Variants in BANK1 observed in about 807,000 individuals in gnomAD.
The protein encoded by BANK1 is B cell scaffold protein with ankyrin repeats 1.
A neutral mutation model predicts 94.5 loss-of-function variants in BANK1; 95 were observed. The ratio of observed to expected loss-of-function variants is 1.00; its 90% confidence interval spans 0.85 to 1.19. The LOEUF is 1.19. Among genes scored for constraint, BANK1 ranks in the 50% most tolerant of loss-of-function variants. The pLI is 0.00. For synonymous variants in BANK1, 334 were observed against 308.4 expected (o/e 1.08, Z -0.87); for missense variants, 987 against 932.2 (o/e 1.06, Z -0.77).
chr4:101,995,251 T>G (rs1051684772), intron 7 of BANK1, among the ~76,000 whole-genome samples: 9 of 152,134 alleles, frequency 5.9e-5, no homozygotes, highest in Non-Finnish European at 1.2e-4. Context: ...CAACTTCACC[T>G]ATGTCCCTGC....
intron 1 of BANK1, among the ~76,000 whole-genome samples, chr4:101,817,149 G>T (rs534352827): frequency 1.3e-5 from 2 of 152,052 alleles, no homozygotes; most frequent in Non-Finnish European, 2.9e-5. Flanking sequence ...AATGCAAAGA[G>T]GCCCATCTAA....
chr4:101,798,186 T>C (rs1725224339), intron 1 of BANK1, among the ~76,000 whole-genome samples: 1 of 152,108 alleles, frequency 6.6e-6, no homozygotes, highest in South Asian at 2.1e-4. Context: ...GTAGCTTTAG[T>C]AAAGAGGATG....
At chr4:101,961,563 C>T (rs1375309495) in intron 7 of BANK1, among the ~76,000 whole-genome samples, 1 of 152,102 alleles carries the variant, frequency 6.6e-6, no homozygotes, top group Non-Finnish European at 1.5e-5. Flanking sequence ...GTCAGTTTCC[C>T]TGTTTTTCTT....
rs201929286 is a variant in BANK1 at position 101,873,161 on chromosome 4, A to G, written c.903+2517A>G. 2.6e-4 allele frequency among the ~76,000 whole-genome samples: 39 copies of G among 152,304 alleles called. No homozygotes were observed. The East Asian group carries it at 5.2e-3, about 20-fold the overall frequency. ...ATATTTTGCCCGTGGTTCACTCTGAACATCTGTATTGAAAACACAATGTAA... is the reference window on the plus strand; with the variant it reads ...ATATTTTGCCCGTGGTTCACTCTGAGCATCTGTATTGAAAACACAATGTAA... On this transcript the variant is annotated intron_variant, in intron 5 of 16. Transcript: ENST00000322953.
intron 2 of BANK1, among the ~76,000 whole-genome samples, chr4:101,845,853 G>GGTTTTT (rs1222396044): frequency 2.0e-5 from 3 of 152,110 alleles, no homozygotes; most frequent in East Asian, 1.9e-4. Flanking sequence ...TGGGCCATAG[G>GGTTTTT]GTTTTTGTTT....
intron 5 of BANK1, among the ~76,000 whole-genome samples, chr4:101,875,071 T>G (rs1317050218): frequency 1.3e-5 from 2 of 152,104 alleles, no homozygotes; most frequent in African/African-American, 4.8e-5. Context: ...ACCACCTTCA[T>G]AAGAACAAAA....
At chr4:102,073,035 A>G (rs1728808133) in intron 15 of BANK1, among the ~76,000 whole-genome samples, 1 of 152,078 alleles carries the variant, frequency 6.6e-6, no homozygotes, top group Non-Finnish European at 1.5e-5. Context: ...TTCTTGCTAA[A>G]ATCCTGAATT....
chr4:101,945,175 A>C (rs1324665755), intron 7 of BANK1, among the ~76,000 whole-genome samples: 3 of 151,994 alleles, frequency 2.0e-5, no homozygotes, highest in Admixed American at 6.6e-5. Flanking sequence ...TGGAGACTTT[A>C]AATAAGTATA....
At chr4:101,901,749 CTTTTTGTTTTTTTG>C (rs1722291654) in intron 6 of BANK1, among the ~76,000 whole-genome samples, 1 of 43,736 alleles carries the variant, frequency 2.3e-5, no homozygotes, top group Admixed American at 1.6e-4. Context: ...TCTCCAGACG[CTTTTTGTTTTTTTG>C]TTTTTGTTTT....
intron 9 of BANK1, among the ~76,000 whole-genome samples, chr4:102,029,722 T>C (rs972623657): frequency 9.2e-5 from 14 of 151,990 alleles, no homozygotes; most frequent in Admixed American, 8.5e-4. Flanking sequence ...GTATTTGTCT[T>C]AATACAATTT....
intron 13 of BANK1, among the ~76,000 whole-genome samples, chr4:102,069,334 T>G (rs1416221946): frequency 1.3e-5 from 2 of 152,168 alleles, no homozygotes; most frequent in Non-Finnish European, 2.9e-5. Flanking sequence ...AGTACCCACG[T>G]CTTAGTTTAT....
intron 5 of BANK1, among the ~76,000 whole-genome samples, chr4:101,889,126 CTG>C (rs2148888567): frequency 6.6e-6 from 1 of 152,110 alleles, no homozygotes; most frequent in Admixed American, 6.6e-5. Context: ...TAGAAAGGGA[CTG>C]TGTATTATGG....
In BANK1 at chr4:101,790,752, G is replaced by A. The variant is rs1313367742; in HGVS notation, c.-129G>A. ...CCTGAGACCTGGCCGCAGCCTCCGC[G>A]GGTGGCAAGCGGGCTGGGGAGAGCC... On this transcript the variant is annotated 5_prime_UTR_variant, in exon 1 of 17. Transcript: ENST00000322953. The A allele has an allele frequency of 4.9e-6, 5 of 1,016,920 alleles. No individual in the cohort carries two copies. Among genetic ancestry groups the A allele is most frequent in the Admixed American group, 2.1e-5 (1 of 48,434 alleles). 63.0% of individuals were successfully genotyped at this position (1,016,920 alleles called of 1,614,324 possible).
chr4:101,942,804 T>A (rs1415815241), intron 7 of BANK1, among the ~76,000 whole-genome samples: 2 of 151,942 alleles, frequency 1.3e-5, no homozygotes, highest in Non-Finnish European at 2.9e-5. Context: ...TTGTATCTAT[T>A]AAAAATAAAA....
At chr4:101,799,895 T>A (rs1725297529) in intron 1 of BANK1, among the ~76,000 whole-genome samples, 1 of 151,400 alleles carries the variant, frequency 6.6e-6, no homozygotes, top group African/African-American at 2.4e-5. Context: ...AATAAATAAA[T>A]AAAATAAAAT....
chr4:101,862,319 G>A (rs536743434), intron 3 of BANK1, among the ~76,000 whole-genome samples: 17 of 152,056 alleles, frequency 1.1e-4, no homozygotes, highest in Middle Eastern at 3.4e-3. Context: ...AAAAAAGAGC[G>A]TACAATAAAA....
chr4:101,811,932 C>T (rs922210110), intron 1 of BANK1, among the ~76,000 whole-genome samples: 1 of 151,788 alleles, frequency 6.6e-6, no homozygotes, highest in Non-Finnish European at 1.5e-5. Context: ...AGGAATTGGG[C>T]TTTATAATCT....
intron 2 of BANK1, among the ~76,000 whole-genome samples, chr4:101,846,228 TG>T (rs34080582): frequency 1.3e-5 from 2 of 152,232 alleles, no homozygotes; most frequent in African/African-American, 4.8e-5. Flanking sequence ...ATATATACCA[TG>T]GAATACTATG....
rs1374620683 is a variant in BANK1 at position 101,907,443 on chromosome 4, A to G, written c.1010-10550A>G. 3.3e-5 allele frequency among the ~76,000 whole-genome samples: 5 copies of G among 152,348 alleles called. No individual in the cohort carries two copies. The South Asian group carries it at 8.3e-4, about 25-fold the overall frequency. On this transcript the variant is annotated intron_variant, in intron 6 of 16. Transcript: ENST00000322953. Reference sequence around the variant, plus strand: ...GCTATTTATGACAGACCCACAGCCAATATCATACTGAATGGGGAAAAACTG... The same window carrying G: ...GCTATTTATGACAGACCCACAGCCAGTATCATACTGAATGGGGAAAAACTG...
Sources: allele counts gnomAD v4.1 joint callset (sites outside exome capture counted in the v4.1 genomes callset), GRCh38; gene constraint gnomAD v4.1.1; transcripts MANE v1.5; gene names NCBI Gene and HGNC (gene_info 2026-07-23, HGNC 2026-07-21).